KDM4D: variants seen among roughly 807,000 people sequenced by gnomAD.
KDM4D encodes lysine demethylase 4D, also known as lysine-specific demethylase 4D.
For synonymous variants in KDM4D, 254 were observed against 249.1 expected (o/e 1.02, Z -0.19); for missense variants, 427 against 674.8 (o/e 0.63, Z 4.07).
chr11:94,986,598 A>G (rs953479523), intron 2 of KDM4D, among the ~76,000 whole-genome samples: 2 of 152,204 alleles, frequency 1.3e-5, no homozygotes, highest in Non-Finnish European at 2.9e-5. Context: ...CCTGTCTTAA[A>G]AAACAAAAAA....
chr11:94,986,873 T>A (rs1473506962), intron 2 of KDM4D, among the ~76,000 whole-genome samples: 1 of 152,200 alleles, frequency 6.6e-6, no homozygotes, highest in African/African-American at 2.4e-5. Flanking sequence ...TGAATGTTCA[T>A]AACAGTATTA....
chr11:94,989,364 T>C (rs1182081802), intron 2 of KDM4D, among the ~76,000 whole-genome samples: 1 of 152,182 alleles, frequency 6.6e-6, no homozygotes, highest in East Asian at 1.9e-4. Flanking sequence ...TGTGTCCTTG[T>C]AGATGGATTC....
At chr11:94,985,252 C>T (rs1857875506) in intron 2 of KDM4D, among the ~76,000 whole-genome samples, 1 of 152,116 alleles carries the variant, frequency 6.6e-6, no homozygotes, top group Non-Finnish European at 1.5e-5. Flanking sequence ...AAACGAAGTC[C>T]AGCAAGGTTG....
At chr11:94,979,953 C>T (rs1857830859) in intron 2 of KDM4D, among the ~76,000 whole-genome samples, 2 of 152,082 alleles carry the variant, frequency 1.3e-5, no homozygotes, top group South Asian at 4.1e-4. Context: ...GTTTGCATTT[C>T]CCTGATTATT....
In KDM4D at chr11:94,998,264, C is replaced by G. The variant is rs1857992197; in HGVS notation, c.892C>G (p.Pro298Ala). 1.9e-6 allele frequency: 3 copies of G among 1,614,250 alleles called. No individual in the cohort carries two copies. Among genetic ancestry groups the G allele is most frequent in the Non-Finnish European group, 2.5e-6 (3 of 1,180,042 alleles). ...NCAEAINFATPRWIDYGKMAS... is the reference protein window; with the variant it reads ...NCAEAINFATARWIDYGKMAS... ...CGCAGAGGCCATCAATTTTGCCACT[C>G]CGCGATGGATTGATTATGGCAAAAT... The change falls in exon 3 of 3, where the codon CCG becomes GCG. Residue 298 changes from proline to alanine, a missense_variant. Pro to Ala is a conservative substitution (Grantham distance 27). Coordinates refer to ENST00000335080, the MANE Select transcript of KDM4D (RefSeq NM_018039.3). This position sits in a 1 kb window ranked among gnomAD's most constrained non-coding sequence, Gnocchi z 6.7.
intron 2 of KDM4D, among the ~76,000 whole-genome samples, chr11:94,976,034 G>A (rs1345555487): frequency 4.6e-5 from 7 of 152,150 alleles, no homozygotes; most frequent in African/African-American, 1.7e-4. Flanking sequence ...AAATGAAAGT[G>A]CTAATAAGAA....
At chr11:94,991,970 C>G (rs1857938728) in intron 2 of KDM4D, among the ~76,000 whole-genome samples, 1 of 151,930 alleles carries the variant, frequency 6.6e-6, no homozygotes. Context: ...GAATCATATT[C>G]ATATCCTCTT....
At chr11:94,993,230 AT>A (rs1857950292) in intron 2 of KDM4D, among the ~76,000 whole-genome samples, 1 of 152,158 alleles carries the variant, frequency 6.6e-6, no homozygotes, top group Admixed American at 6.6e-5. Context: ...ATCAAGTATT[AT>A]TTTTTAATTA....
At position 94,973,854 on chromosome 11, in the gene KDM4D, C is replaced by T. The variant is rs1590962384; in HGVS notation, c.-659C>T. On this transcript the variant is annotated 5_prime_UTR_variant, in exon 1 of 3. Coordinates refer to ENST00000335080, the MANE Select transcript of KDM4D (RefSeq NM_018039.3). ...TTCCGGTACTGCGTGGACGGAAAGC[C>T]CCGGGTAGCCGACACCACGTCCCCG... 1 of 152,434 alleles carries T rather than the reference C, an allele frequency of 6.6e-6. No individual in the cohort carries two copies. The highest frequency in any genetic ancestry group is 2.4e-5 in the African/African-American group (1 of 41,590). 9.4% of individuals were successfully genotyped at this position (152,434 alleles called of 1,614,324 possible).
At position 94,997,230 on chromosome 11, in the gene KDM4D, T is replaced by G; in HGVS notation, c.-143T>G. 1 of 470,966 alleles carries G rather than the reference T, an allele frequency of 2.1e-6. No individual in the cohort carries two copies. The highest frequency in any genetic ancestry group is 3.4e-6 in the Non-Finnish European group (1 of 292,174). The allele number at this position is 470,966 out of a possible 1,614,324, so 29.2% of individuals were successfully genotyped here. A position where few individuals can be genotyped will look rare whatever the true frequency, so the allele number is the denominator to read the frequency against. On this transcript the variant is annotated 5_prime_UTR_variant, in exon 3 of 3. Coordinates refer to ENST00000335080, the MANE Select transcript of KDM4D (RefSeq NM_018039.3). ...TAAACAAGCCCAAGAAAGATTATCA[T>G]CTCATTTGCAAAAAAAAAAGTACGC...
intron 2 of KDM4D, among the ~76,000 whole-genome samples, chr11:94,987,613 C>T (rs148346063): frequency 6.6e-6 from 1 of 152,260 alleles, no homozygotes; most frequent in African/African-American, 2.4e-5. Context: ...CAGTGCCTGA[C>T]TCAAATACAA....
intron 1 of KDM4D, 39 bp from the exon 2 acceptor site, chr11:94,975,612 TTAA>T (rs1555096904): frequency 2.0e-5 from 3 of 151,606 alleles, no homozygotes; most frequent in African/African-American, 4.8e-5. Flanking sequence ...ATTATTATTA[TTAA>T]TATTATTTTT....
chr11:94,974,720 T>G (rs1320536604), intron 1 of KDM4D, among the ~76,000 whole-genome samples: 1 of 152,250 alleles, frequency 6.6e-6, no homozygotes, highest in African/African-American at 2.4e-5. Flanking sequence ...TCATTCACTC[T>G]TCACATACGG....
At chr11:94,994,980 A>G (rs1224028880) in intron 2 of KDM4D, among the ~76,000 whole-genome samples, 1 of 152,186 alleles carries the variant, frequency 6.6e-6, no homozygotes, top group Non-Finnish European at 1.5e-5. Flanking sequence ...CCTAGAAAGC[A>G]GTGTTTTCTC....
chr11:94,998,271 GGATT>G lies in KDM4D; in HGVS notation c.904_907del (p.Asp302MetfsTer15), dbSNP rs1555099506. On this transcript the variant is annotated frameshift_variant, in exon 3 of 3. Coordinates refer to ENST00000335080, the MANE Select transcript of KDM4D (RefSeq NM_018039.3). LOFTEE classifies it low-confidence loss of function (END_TRUNC). This position sits in a 1 kb window ranked among gnomAD's most constrained non-coding sequence, Gnocchi z 6.7. ...GCCATCAATTTTGCCACTCCGCGATGGATTGATTATGGCAAAATGGCCTCCCAGT... is the reference window on the plus strand; with the variant it reads ...GCCATCAATTTTGCCACTCCGCGATGGATTATGGCAAAATGGCCTCCCAGT... 6.2e-7 allele frequency: 1 copy of G among 1,614,244 alleles called. No individual in the cohort carries two copies. Among genetic ancestry groups the G allele is most frequent in the Non-Finnish European group, 8.5e-7 (1 of 1,180,044 alleles).
In KDM4D at chr11:94,996,663, G is replaced by A. The variant is rs587610278; in HGVS notation, c.-349-361G>A. Among the ~76,000 whole-genome samples the A allele has an allele frequency of 2.7e-3, 405 of 152,258 alleles. 1 individual carries two copies. The highest frequency in any genetic ancestry group is 6.8e-3 in the Middle Eastern group (2 of 292). On this transcript the variant is annotated intron_variant, in intron 2 of 2. Coordinates refer to ENST00000335080, the MANE Select transcript of KDM4D (RefSeq NM_018039.3). ...TCTATTGCTGATGGACATTTGGGTT[G>A]TTTAAGTGTTTGGCTACCAGAAACA...
Position 94,973,979 on chromosome 11 carries a change from A to G in KDM4D, c.-534A>G, listed in dbSNP as rs924179129. ...CCTGAGCTAGAACCAACAAACCTAGAGAGTTGGGCTTCGGAAAAACTAGTG... is the reference window on the plus strand; with the variant it reads ...CCTGAGCTAGAACCAACAAACCTAGGGAGTTGGGCTTCGGAAAAACTAGTG... On this transcript the variant is annotated 5_prime_UTR_variant, in exon 1 of 3. Transcript: ENST00000335080. 3 of 152,262 alleles carry G rather than the reference A, an allele frequency of 2.0e-5. No homozygotes were observed. Among genetic ancestry groups the G allele is most frequent in the Non-Finnish European group, 4.4e-5 (3 of 68,052 alleles). 9.4% of individuals were successfully genotyped at this position (152,262 alleles called of 1,614,324 possible). A position where few individuals can be genotyped will look rare whatever the true frequency, so the allele number is the denominator to read the frequency against.
Position 94,997,155 on chromosome 11 carries a change from C to T in KDM4D, c.-218C>T, listed in dbSNP as rs1219805832. ...ATAACAGAGTTGCAGGATCAGCTAA[C>T]GTCAATGCCTGGGCAAAGCTGCTGC... is the stretch of plus-strand genomic sequence containing the variant. On this transcript the variant is annotated 5_prime_UTR_variant, in exon 3 of 3. In the 5' UTR this introduces an upstream ATG that the reference lacks. Coordinates refer to ENST00000335080, the MANE Select transcript of KDM4D (RefSeq NM_018039.3). The T allele has an allele frequency of 2.4e-5, 10 of 417,722 alleles. No homozygotes were observed. In the South Asian group the frequency reaches 2.8e-4, roughly 12 times the overall value. 25.9% of individuals were successfully genotyped at this position (417,722 alleles called of 1,614,324 possible). A position where few individuals can be genotyped will look rare whatever the true frequency, so the allele number is the denominator to read the frequency against.
At chr11:94,977,387 A>C (rs943558124) in intron 2 of KDM4D, among the ~76,000 whole-genome samples, 1 of 152,010 alleles carries the variant, frequency 6.6e-6, no homozygotes, top group East Asian at 1.9e-4. Context: ...CCTTTCCCCT[A>C]CCTCTTTGAC....
Sources: gnomAD v4.1 joint callset for allele counts (sites outside exome capture counted in the v4.1 genomes callset) on GRCh38, gnomAD v4.1.1 for gene constraint, Gnocchi (gnomAD v3.1) non-coding constraint, MANE v1.5 for transcripts, NCBI Gene and HGNC (gene_info 2026-07-23, HGNC 2026-07-21) for gene names.